ARHGAP5: variants seen among roughly 807,000 people sequenced by gnomAD.
The protein encoded by ARHGAP5 is Rho GTPase activating protein 5, also known as rho GTPase-activating protein 5.
In ARHGAP5, 23 loss-of-function variants were observed where a neutral mutation model predicts 116.6. That is an observed-to-expected ratio of 0.20 (90% CI 0.14 to 0.28). ARHGAP5 has a LOEUF of 0.28. ARHGAP5 is among the 10% of genes least tolerant of loss of function. The probability of loss-of-function intolerance (pLI) is 1.00; values close to 1 mark genes in which losing one functional copy is unlikely to be tolerated. For missense variants in ARHGAP5, 1,405 were observed against 1,774.8 expected (o/e 0.79, Z 3.74); for synonymous variants, 574 against 602.0 (o/e 0.95, Z 0.68).
rs554444825 is a variant in ARHGAP5, at chr14:32,127,675, A to G, written c.3865+10388A>G. On this transcript the variant is annotated intron_variant, in intron 3 of 6. Transcript: ENST00000345122. Reference sequence around the variant, plus strand: ...CCATCGTCATCATGGCCCGTTCTCAATGAGCTGTTGGGTACACCTCCCAGA... The same window carrying G: ...CCATCGTCATCATGGCCCGTTCTCAGTGAGCTGTTGGGTACACCTCCCAGA... Among the ~76,000 whole-genome samples, 280 of 152,270 alleles carry G rather than the reference A, an allele frequency of 1.8e-3. 1 individual carries two copies. The highest frequency in any genetic ancestry group is 6.5e-3 in the African/African-American group (269 of 41,570).
intron 3 of ARHGAP5, among the ~76,000 whole-genome samples, chr14:32,133,475 T>G (rs1880615916): frequency 6.6e-6 from 1 of 152,210 alleles, no homozygotes; most frequent in African/African-American, 2.4e-5. Flanking sequence ...CTTGAGGAGA[T>G]TTTGGGCTGA....
intron 3 of ARHGAP5, among the ~76,000 whole-genome samples, chr14:32,130,387 G>GT (rs758926640): frequency 0.021 from 2,790 of 132,770 alleles, 59 homozygotes; most frequent in African/African-American, 0.06. Context: ...AATTTTTTGG[G>GT]TTTTTTTTTT....
intron 4 of ARHGAP5, among the ~76,000 whole-genome samples, chr14:32,149,495 C>T (rs577503234): frequency 2.2e-3 from 329 of 152,148 alleles, no homozygotes; most frequent in African/African-American, 7.1e-3. Context: ...TGGGGCCAGG[C>T]GCCGTGGCTC....
At chr14:32,097,503 A>G (rs1878583912) in intron 2 of ARHGAP5, among the ~76,000 whole-genome samples, 1 of 152,212 alleles carries the variant, frequency 6.6e-6, no homozygotes, top group Admixed American at 6.5e-5. Flanking sequence ...GACAAGCAAA[A>G]TTTATAATAA....
At chr14:32,150,817 T>C (rs190039216) in intron 5 of ARHGAP5, among the ~76,000 whole-genome samples, 1 of 152,200 alleles carries the variant, frequency 6.6e-6, no homozygotes, top group Non-Finnish European at 1.5e-5. Context: ...AAGAACATGA[T>C]ATTTATTTAG....
intron 2 of ARHGAP5, among the ~76,000 whole-genome samples, chr14:32,106,784 A>T (rs1879040989): frequency 6.6e-6 from 1 of 152,152 alleles, no homozygotes; most frequent in Admixed American, 6.5e-5. Context: ...AGCTGTTGTG[A>T]AGATTAAGAT....
In ARHGAP5 at chr14:32,130,775, C is replaced by T. The variant is rs551895351; in HGVS notation, c.3865+13488C>T. Among the ~76,000 whole-genome samples, 26 of 151,392 alleles carry T rather than the reference C, an allele frequency of 1.7e-4. No individual in the cohort carries two copies. The South Asian group carries it at 4.4e-3, about 26-fold the overall frequency. Reference sequence around the variant, plus strand: ...CTCAAACTCCTGGCCTTGTGATCCACCTGCCTCGGCCTCCCAAAGTGCTGG... The same window carrying T: ...CTCAAACTCCTGGCCTTGTGATCCATCTGCCTCGGCCTCCCAAAGTGCTGG... On this transcript the variant is annotated intron_variant, in intron 3 of 6. Transcript: ENST00000345122.
chr14:32,125,398 G>A (rs1225551055), intron 3 of ARHGAP5, among the ~76,000 whole-genome samples: 1 of 152,168 alleles, frequency 6.6e-6, no homozygotes, highest in Non-Finnish European at 1.5e-5. Flanking sequence ...GGACATTTGG[G>A]TTATTTCCAC....
At position 32,090,832 on chromosome 14, in the gene ARHGAP5, T is replaced by A; in HGVS notation, c.163T>A (p.Ser55Thr). Residue 55 changes from serine to threonine, a missense_variant, in exon 2 of 7, where the codon TCT becomes ACT. By Grantham distance (58) the Ser-to-Thr change is moderately conservative (BLOSUM62 1). This residue lies in a region of ARHGAP5 where 190 missense variants were observed against 314.9 expected (regional missense o/e 0.60). Transcript: ENST00000345122. Reference sequence around the variant, plus strand: ...AGATGAATATTATCCAGAGCATACTTCTGTGCTTAGCACCATTGACTTTGG... The same window carrying A: ...AGATGAATATTATCCAGAGCATACTACTGTGCTTAGCACCATTGACTTTGG... The part of the protein sequence containing the change: ...KADEYYPEHT[S>T]VLSTIDFGGR... 6.2e-7 allele frequency: 1 copy of A among 1,613,660 alleles called. No individual in the cohort carries two copies. The highest frequency in any genetic ancestry group is 8.5e-7 in the Non-Finnish European group (1 of 1,179,620).
chr14:32,105,720 G>C (rs1318912705), intron 2 of ARHGAP5, among the ~76,000 whole-genome samples: 1 of 152,130 alleles, frequency 6.6e-6, no homozygotes, highest in Non-Finnish European at 1.5e-5. Flanking sequence ...ATGTAAAACA[G>C]TTCCATCCAC....
chr14:32,153,664 G>T (rs1379818299), intron 6 of ARHGAP5, among the ~76,000 whole-genome samples: 1 of 151,346 alleles, frequency 6.6e-6, no homozygotes, highest in Admixed American at 6.6e-5. Context: ...GTAGAGACAG[G>T]GTTTCATCAT....
At chr14:32,115,333 G>A (rs900826440) in intron 2 of ARHGAP5, among the ~76,000 whole-genome samples, 1 of 152,170 alleles carries the variant, frequency 6.6e-6, no homozygotes, top group African/African-American at 2.4e-5. Flanking sequence ...TCCTGAAAAT[G>A]TTTTGTACAT....
intron 1 of ARHGAP5, among the ~76,000 whole-genome samples, chr14:32,084,308 A>T (rs2139001070): frequency 6.6e-6 from 1 of 152,304 alleles, no homozygotes; most frequent in Admixed American, 6.5e-5. Context: ...TCCTTGAAGT[A>T]CTACACACCT....
intron 6 of ARHGAP5, among the ~76,000 whole-genome samples, chr14:32,153,407 A>AT (rs1881745489): frequency 4.6e-5 from 1 of 21,902 alleles, no homozygotes; most frequent in Admixed American, 7.8e-4. Context: ...ACTCTGTCTC[A>AT]AAAAAAAAAA....
chr14:32,109,837 T>C (rs1478063678), intron 2 of ARHGAP5, among the ~76,000 whole-genome samples: 1 of 152,192 alleles, frequency 6.6e-6, no homozygotes, highest in Non-Finnish European at 1.5e-5. Context: ...TGAACATTCC[T>C]GTAGATGAGT....
intron 2 of ARHGAP5, among the ~76,000 whole-genome samples, chr14:32,096,578 C>G (rs1307889398): frequency 6.6e-6 from 1 of 152,030 alleles, no homozygotes; most frequent in Non-Finnish European, 1.5e-5. Context: ...AAAGTTTAAA[C>G]AAAATGAACA....
intron 2 of ARHGAP5, among the ~76,000 whole-genome samples, chr14:32,101,511 A>G (rs986532858): frequency 2.6e-5 from 4 of 152,196 alleles, no homozygotes; most frequent in South Asian, 2.1e-4. Flanking sequence ...TCATTTGTCT[A>G]TATCAGAATG....
intron 6 of ARHGAP5, 184 bp from the exon 7 acceptor site, chr14:32,154,437 C>CT: frequency 3.5e-6 from 2 of 578,770 alleles, no homozygotes. Flanking sequence ...GCGTGAGCCA[C>CT]TGCACCTGGC....
chr14:32,148,994 A>G (rs761890342), intron 4 of ARHGAP5, among the ~76,000 whole-genome samples: 3 of 152,138 alleles, frequency 2.0e-5, no homozygotes, highest in Non-Finnish European at 4.4e-5. Flanking sequence ...ATTTATACAA[A>G]TTGAGTACCC....
Sources: gnomAD v4.1 joint callset for allele counts (sites outside exome capture counted in the v4.1 genomes callset) on GRCh38, gnomAD v4.1.1 for gene constraint, gnomAD v4.1.1 regional missense constraint, MANE v1.5 for transcripts, NCBI Gene and HGNC (gene_info 2026-07-23, HGNC 2026-07-21) for gene names.